Variants in WARS2 observed in about 807,000 individuals in gnomAD.
The protein encoded by WARS2 is tryptophanyl tRNA synthetase 2, mitochondrial.
In WARS2, 28 loss-of-function variants were observed where a neutral mutation model predicts 36.5. The ratio of observed to expected loss-of-function variants is 0.77; its 90% confidence interval spans 0.57 to 1.05. The LOEUF (loss-of-function observed/expected upper bound fraction) is 1.05. WARS2 is among the 50% of genes least tolerant of loss of function. The pLI, the probability that WARS2 is intolerant of heterozygous loss-of-function variation, is 0.00. For synonymous variants in WARS2, 174 were observed against 178.4 expected (o/e 0.98, Z 0.20); for missense variants, 435 against 456.8 (o/e 0.95, Z 0.44).
chr1:119,129,920 A>G (rs1194556121), intron 1 of WARS2, among the ~76,000 whole-genome samples: 1 of 152,222 alleles, frequency 6.6e-6, no homozygotes, highest in Non-Finnish European at 1.5e-5. Flanking sequence ...CCTTGGCTAT[A>G]TAGATATAAA....
At chr1:119,044,703 G>A (rs1648647819) in intron 3 of WARS2, among the ~76,000 whole-genome samples, 1 of 152,174 alleles carries the variant, frequency 6.6e-6, no homozygotes, top group Non-Finnish European at 1.5e-5. Flanking sequence ...GATGCTGTCA[G>A]GAGCAAGCGG....
At chr1:119,041,442 T>G (rs1431586597) in intron 4 of WARS2, among the ~76,000 whole-genome samples, 1 of 152,146 alleles carries the variant, frequency 6.6e-6, no homozygotes, top group Non-Finnish European at 1.5e-5. Context: ...TTTTGAGGAC[T>G]TTAAGTGGCA....
chr1:119,033,430 A>G (rs772078367), intron 5 of WARS2, 71 bp from the exon 6 acceptor site: 19 of 1,572,160 alleles, frequency 1.2e-5, no homozygotes, highest in Non-Finnish European at 1.5e-5. Context: ...AGATGTACAC[A>G]CAGACAGTTC....
intron 1 of WARS2, among the ~76,000 whole-genome samples, chr1:119,097,585 C>T (rs1390544498): frequency 2.0e-5 from 3 of 152,172 alleles, no homozygotes; most frequent in Admixed American, 2.0e-4. Context: ...CTCCAAATCC[C>T]CAGGACAAGA....
intron 1 of WARS2, among the ~76,000 whole-genome samples, chr1:119,120,324 A>G (rs182430416): frequency 2.8e-4 from 43 of 152,222 alleles, no homozygotes; most frequent in African/African-American, 9.4e-4. Context: ...AAATTCCTGG[A>G]AATATACAAA....
chr1:119,120,754 C>T (rs587772215), intron 1 of WARS2, among the ~76,000 whole-genome samples: 27 of 152,006 alleles, frequency 1.8e-4, no homozygotes, highest in Admixed American at 5.2e-4. Flanking sequence ...AGTAAATAAA[C>T]GTAATGATAT....
At chr1:119,060,842 T>C (rs1023241888) in intron 2 of WARS2, among the ~76,000 whole-genome samples, 4 of 152,204 alleles carry the variant, frequency 2.6e-5, no homozygotes, top group Non-Finnish European at 4.4e-5. Context: ...TGGGTCACCA[T>C]AATGCCTGGA....
intron 1 of WARS2, among the ~76,000 whole-genome samples, chr1:119,081,926 A>G (rs1366102416): frequency 2.6e-5 from 4 of 152,170 alleles, no homozygotes; most frequent in African/African-American, 2.4e-5. Flanking sequence ...TGGAGAGTCC[A>G]GGTCTGTTAA....
At chr1:119,096,384 G>C (rs1653443879) in intron 1 of WARS2, among the ~76,000 whole-genome samples, 1 of 152,078 alleles carries the variant, frequency 6.6e-6, no homozygotes, top group African/African-American at 2.4e-5. Context: ...ACTCTAACAA[G>C]TTGACTTTAT....
intron 1 of WARS2, among the ~76,000 whole-genome samples, chr1:119,106,239 A>G (rs1185986237): frequency 2.6e-5 from 4 of 152,152 alleles, no homozygotes; most frequent in South Asian, 2.1e-4. Flanking sequence ...CCCCACATAT[A>G]TATCACCTTC....
intron 1 of WARS2, among the ~76,000 whole-genome samples, chr1:119,131,733 T>C (rs587622709): frequency 1.2e-4 from 19 of 152,196 alleles, no homozygotes; most frequent in African/African-American, 4.3e-4. Context: ...AGTGCTGGGA[T>C]TACAGGCGTG....
At chr1:119,055,693 G>T (rs1649724651) in intron 2 of WARS2, among the ~76,000 whole-genome samples, 1 of 145,914 alleles carries the variant, frequency 6.9e-6, no homozygotes, top group Non-Finnish European at 1.5e-5. Flanking sequence ...AAGAAAGAAA[G>T]AAAAGAAAGA....
At chr1:119,059,018 G>A (rs1238367301) in intron 2 of WARS2, among the ~76,000 whole-genome samples, 6 of 152,126 alleles carry the variant, frequency 3.9e-5, no homozygotes, top group Non-Finnish European at 7.4e-5. Context: ...GTGTGAGATA[G>A]TATCTCATTG....
chr1:119,134,657 C>G (rs1026822797), intron 1 of WARS2, among the ~76,000 whole-genome samples: 3 of 152,120 alleles, frequency 2.0e-5, no homozygotes, highest in Admixed American at 2.0e-4. Flanking sequence ...AAACTAAATG[C>G]CTGAGCAGAG....
intron 2 of WARS2, among the ~76,000 whole-genome samples, chr1:119,050,887 T>C (rs1649294934): frequency 6.6e-6 from 1 of 152,084 alleles, no homozygotes; most frequent in African/African-American, 2.4e-5. Context: ...GTAAAGGGAA[T>C]AGGAAGGGAA....
At chr1:119,093,368 G>A (rs1427200851) in intron 1 of WARS2, among the ~76,000 whole-genome samples, 1 of 151,454 alleles carries the variant, frequency 6.6e-6, no homozygotes, top group Non-Finnish European at 1.5e-5. Context: ...GCTTGGTGTA[G>A]TAGGTTGAAT....
chr1:119,071,448 T>G (rs6662165), intron 2 of WARS2, among the ~76,000 whole-genome samples: 35,442 of 152,082 alleles, frequency 0.23, 4,317 homozygotes, highest in Middle Eastern at 0.29. Flanking sequence ...AACCTAAGTG[T>G]CTATCAACAG....
At chr1:119,140,459 C>G (rs1656878392) in intron 1 of WARS2, 96 bp downstream of exon 1, 1 of 1,179,660 alleles carries the variant, frequency 8.5e-7, no homozygotes, top group South Asian at 1.4e-5. Flanking sequence ...TGTACTTTCC[C>G]TAAGAAGCGG....
At chr1:119,060,628 A>G (rs1049039635) in intron 2 of WARS2, among the ~76,000 whole-genome samples, 11 of 152,204 alleles carry the variant, frequency 7.2e-5, no homozygotes, top group African/African-American at 2.7e-4. Flanking sequence ...ATAAAAATCA[A>G]CGGCCTGAAG....
Sources: allele counts gnomAD v4.1 joint callset (sites outside exome capture counted in the v4.1 genomes callset), GRCh38; gene constraint gnomAD v4.1.1; transcripts MANE v1.5; gene names NCBI Gene and HGNC (gene_info 2026-07-23, HGNC 2026-07-21).